FER1L5: variants seen among roughly 807,000 people sequenced by gnomAD.
FER1L5 encodes fer-1 like family member 5.
FER1L5 carries 187 observed loss-of-function variants against 279.9 expected under a neutral mutation model. The observed-to-expected ratio is 0.67, with a 90% CI of 0.59 to 0.75. The LOEUF (loss-of-function observed/expected upper bound fraction) is 0.75, where lower values mean the gene tolerates loss of function less well. Among genes scored for constraint, FER1L5 ranks in the 30% least tolerant of loss-of-function variants. The pLI is 0.00. For missense variants in FER1L5, 2,091 were observed against 2,594.4 expected (o/e 0.81, Z 4.21); for synonymous variants, 921 against 989.7 (o/e 0.93, Z 1.30).
chr2:96,700,233 A>C, intron 44 of FER1L5, 99 bp from the exon 45 acceptor site: 7 of 1,571,656 alleles, frequency 4.5e-6, no homozygotes, highest in Non-Finnish European at 6.0e-6. Context: ...TTTCCCCTTC[A>C]CTCCTACCCA....
Position 96,685,442 on chromosome 2 carries a change from G to T in FER1L5, c.1895+13G>T. The T allele has an allele frequency of 6.5e-7, 1 of 1,545,904 alleles. No homozygotes were observed. The highest frequency in any genetic ancestry group is 8.7e-7 in the Non-Finnish European group (1 of 1,143,648). ...CAGAGGACTGCAAGTAGGAGTAGGG[G>T]CACTCCGGGATACAGCTGGCCTGGA... On this transcript the variant is annotated intron_variant, in intron 21 of 52. Coordinates refer to ENST00000624922, the MANE Select transcript of FER1L5 (RefSeq NM_001293083.2).
Position 96,661,766 on chromosome 2 carries a change from C to G in FER1L5, c.993C>G (p.Ile331Met), listed in dbSNP as rs1268811516. Residue 331 changes from isoleucine (I) to methionine (M), a missense_variant, in exon 12 of 53, where the codon ATC becomes ATG. Ile to Met is a conservative substitution (Grantham distance 10). Coordinates refer to ENST00000624922, the MANE Select transcript of FER1L5 (RefSeq NM_001293083.2). ...ACATGGCTTACTTACAGCTCTTCAT[C>G]TACTGCGCAGAGGACCTTCACCTCA... ...PINMAYLQLFIYCAEDLHLKK... is the reference protein window; with the variant it reads ...PINMAYLQLFMYCAEDLHLKK... The G allele has an allele frequency of 6.4e-7, 1 of 1,551,738 alleles. No individual in the cohort carries two copies. Among genetic ancestry groups the G allele is most frequent in the Non-Finnish European group, 8.7e-7 (1 of 1,146,996 alleles).
intron 19 of FER1L5, among the ~76,000 whole-genome samples, chr2:96,676,265 G>A (rs1388311908): frequency 6.6e-6 from 1 of 152,044 alleles, no homozygotes; most frequent in Admixed American, 6.6e-5. Context: ...TCCGCCTCCT[G>A]GGTTCAAGCA....
chr2:96,659,936 T>C (rs2075894895), intron 9 of FER1L5, among the ~76,000 whole-genome samples: 1 of 152,102 alleles, frequency 6.6e-6, no homozygotes, highest in Non-Finnish European at 1.5e-5. Context: ...TCAGAAACTA[T>C]CTCCAAGGGG....
intron 19 of FER1L5, among the ~76,000 whole-genome samples, chr2:96,678,330 A>G (rs2076588207): frequency 6.6e-6 from 1 of 152,026 alleles, no homozygotes; most frequent in Admixed American, 6.6e-5. Context: ...GGGTTTCACC[A>G]TGTTGCCCAG....
intron 32 of FER1L5, 42 bp downstream of exon 32, chr2:96,693,729 CACAGAG>C: frequency 6.5e-7 from 1 of 1,532,786 alleles, no homozygotes. Context: ...GGACCTACCT[CACAGAG>C]TGGCTGAGGG....
intron 6 of FER1L5, among the ~76,000 whole-genome samples, chr2:96,651,566 A>C (rs954977990): frequency 2.7e-5 from 4 of 150,388 alleles, no homozygotes; most frequent in African/African-American, 9.8e-5. Flanking sequence ...CAGTGGCACG[A>C]TCACAGCTCA....
chr2:96,703,809 CTTTTTTTTTT>C (rs35497973), intron 51 of FER1L5, among the ~76,000 whole-genome samples, 177 bp downstream of exon 51: 2 of 89,480 alleles, frequency 2.2e-5, no homozygotes, highest in South Asian at 3.3e-4. Flanking sequence ...CAAAAGTTGC[CTTTTTTTTTT>C]TTTTTTTTTT....
rs778493389 is a variant in FER1L5 at position 96,694,393 on chromosome 2, G to A, written c.3670G>A (p.Val1224Ile). 21 of 1,550,666 alleles carry A rather than the reference G, an allele frequency of 1.4e-5. 1 individual carries two copies. Among genetic ancestry groups the A allele is most frequent in the Middle Eastern group, 1.7e-4 (1 of 5,990 alleles). ...AGAGAAGCAGCTGCCTATCTTAAGC[G>A]TTCCCTGGAAGAATGGGGCATACAC... ...LGEKQLPILSVPWKNGAYTLP... is the reference protein window; with the variant it reads ...LGEKQLPILSIPWKNGAYTLP... Residue 1224 changes from valine (V) to isoleucine (I), a missense_variant, in exon 34 of 53, where the codon GTT (valine) becomes ATT (isoleucine). Transcript: ENST00000624922. The surrounding 1 kb of genome is among the most constrained non-coding windows in gnomAD (Gnocchi z 4.6).
chr2:96,703,567 CT>C lies in FER1L5; in HGVS notation c.5738del (p.Leu1913Ter), dbSNP rs1171377250. The C allele has an allele frequency of 2.5e-6, 4 of 1,613,834 alleles. No homozygotes were observed. The African/African-American group carries it at 4.0e-5, about 16-fold the overall frequency. On this transcript the variant is annotated frameshift_variant, in exon 51 of 53. Transcript: ENST00000624922. LOFTEE classifies it high-confidence loss of function. ...SLEILSEKEALIKPAGRGQSE... is the reference protein window; with the variant it reads ...SLEILSEKEAXIKPAGRGQSE... ...TGGAGATTCTGTCAGAGAAGGAAGC[CT>C]TAATCAAGCCAGCCGGGCGAGGCCA...
chr2:96,695,524 CT>C lies in FER1L5; in HGVS notation c.3759del (p.Arg1254GlyfsTer3). 6.3e-7 allele frequency: 1 copy of C among 1,591,392 alleles called. No homozygotes were observed. Among genetic ancestry groups the C allele is most frequent in the South Asian group, 1.1e-5 (1 of 87,260 alleles). ...GTTCTGGTAGATCCTGGCCTGGGGC[CT>C]TCGGAACATGAAGAAGGCGAGCTCC... ...RMAIEILAWG[L>X]RNMKKASSPQ... On this transcript the variant is annotated frameshift_variant, in exon 35 of 53. Coordinates refer to ENST00000624922, the MANE Select transcript of FER1L5 (RefSeq NM_001293083.2). LOFTEE classifies it high-confidence loss of function.
intron 37 of FER1L5, among the ~76,000 whole-genome samples, chr2:96,697,184 A>G (rs2077414316): frequency 6.6e-6 from 1 of 152,214 alleles, no homozygotes; most frequent in Non-Finnish European, 1.5e-5. Flanking sequence ...GGCACTTGTC[A>G]AACCTGAATG....
intron 14 of FER1L5, among the ~76,000 whole-genome samples, chr2:96,664,661 A>G (rs2076067172): frequency 6.6e-6 from 1 of 152,226 alleles, no homozygotes; most frequent in African/African-American, 2.4e-5. Flanking sequence ...AACCCTTAGC[A>G]TAGACATATG....
intron 9 of FER1L5, chr2:96,654,865 C>T (rs2075534684): frequency 6.7e-6 from 1 of 149,582 alleles, no homozygotes; most frequent in African/African-American, 2.5e-5. Flanking sequence ...CACCACTGCA[C>T]TCCAGCCTGG....
At chr2:96,664,694 A>AT (rs1434588192) in intron 14 of FER1L5, among the ~76,000 whole-genome samples, 1 of 152,226 alleles carries the variant, frequency 6.6e-6, no homozygotes, top group African/African-American at 2.4e-5. Context: ...TTAGGTAAAT[A>AT]TGTAGATGCA....
At chr2:96,662,078 G>A in intron 12 of FER1L5, 137 bp from the exon 13 acceptor site, 1 of 885,196 alleles carries the variant, frequency 1.1e-6, no homozygotes. Flanking sequence ...GGGGCATGGT[G>A]GGAACTGGAG....
chr2:96,691,380 G>A lies in FER1L5; in HGVS notation c.2907+27G>A, dbSNP rs939575772. On this transcript the variant is annotated intron_variant, in intron 28 of 52. Coordinates refer to ENST00000624922, the MANE Select transcript of FER1L5 (RefSeq NM_001293083.2). The surrounding 1 kb of genome is among the most constrained non-coding windows in gnomAD (Gnocchi z 6.0). The stretch of plus-strand genomic sequence containing the variant: ...TGAGGGGTCGACGGGCGCCCTGGCT[G>A]GGACTGCGGGCAGGGCCGCCTTGGC... 9.1e-6 allele frequency: 14 copies of A among 1,542,454 alleles called. No individual in the cohort carries two copies. The Middle Eastern group carries it at 5.0e-4, about 55-fold the overall frequency.
At chr2:96,646,249 CG>C (rs1386118297) in intron 1 of FER1L5, among the ~76,000 whole-genome samples, 151 bp from the exon 2 acceptor site, 1 of 152,156 alleles carries the variant, frequency 6.6e-6, no homozygotes, top group East Asian at 1.9e-4. Context: ...CTGCCTGCCT[CG>C]GCCTCCCAAA....
At chr2:96,679,651 C>T (rs142076282) in intron 19 of FER1L5, among the ~76,000 whole-genome samples, 1 of 152,212 alleles carries the variant, frequency 6.6e-6, no homozygotes, top group African/African-American at 2.4e-5. Flanking sequence ...CATGTGTTTT[C>T]CTAGGTTACA....
Sources: gnomAD v4.1 joint callset for allele counts (sites outside exome capture counted in the v4.1 genomes callset) on GRCh38, gnomAD v4.1.1 for gene constraint, Gnocchi (gnomAD v3.1) non-coding constraint, MANE v1.5 for transcripts, NCBI Gene and HGNC (gene_info 2026-07-23, HGNC 2026-07-21) for gene names.